Variants in RPS6KA2 observed in about 807,000 individuals in gnomAD.
RPS6KA2 encodes ribosomal protein S6 kinase A2.
RPS6KA2 carries 42 observed loss-of-function variants against 91.8 expected under a neutral mutation model. The ratio of observed to expected loss-of-function variants is 0.46; its 90% CI spans 0.36 to 0.59. RPS6KA2 has a LOEUF of 0.59. Among genes scored for constraint, RPS6KA2 ranks in the 20% least tolerant of loss-of-function variants. The pLI is 0.00. For missense variants in RPS6KA2, 798 were observed against 978.5 expected, an observed-to-expected ratio of 0.82 and a Z score of 2.46; for synonymous variants, 414 against 393.6, an observed-to-expected ratio of 1.05 and a Z score of -0.61.
At chr6:166,672,043 C>T (rs907624382) in intron 2 of RPS6KA2, among the ~76,000 whole-genome samples, 4 of 152,190 alleles carry the variant, frequency 2.6e-5, no homozygotes, top group African/African-American at 9.7e-5. Context: ...AGTGCACGAC[C>T]TCAGCATTTC....
chr6:166,774,821 A>G (rs889091422), intron 2 of RPS6KA2, among the ~76,000 whole-genome samples: 2 of 150,350 alleles, frequency 1.3e-5, no homozygotes, highest in African/African-American at 5.0e-5. Flanking sequence ...ACCCCAAAAC[A>G]TCTCGCCCTT....
rs80214747 is a variant in RPS6KA2 at position 166,615,130 on chromosome 6, C to A, written c.99+11791G>T. 6.5e-3 allele frequency among the ~76,000 whole-genome samples: 991 copies of A among 152,278 alleles called. 9 individuals are homozygous for A. The highest frequency in any genetic ancestry group is 0.023 in the African/African-American group (944 of 41,554). On this transcript the variant is annotated intron_variant, in intron 1 of 20. Transcript: ENST00000265678. Reference sequence around the variant, plus strand: ...TTATTTCCTGCCATTGAAATCCCAGCAGGATGTGGCCGCATTGTTCATTAG... The same window carrying A: ...TTATTTCCTGCCATTGAAATCCCAGAAGGATGTGGCCGCATTGTTCATTAG...
At chr6:166,471,557 G>C (rs1266967282) in intron 10 of RPS6KA2, among the ~76,000 whole-genome samples, 1 of 152,250 alleles carries the variant, frequency 6.6e-6, no homozygotes, top group Non-Finnish European at 1.5e-5. Context: ...AGTCCATCTA[G>C]AAGGAATTAG....
At chr6:166,488,740 C>G (rs1781494013) in intron 10 of RPS6KA2, 93 bp downstream of exon 10, 1 of 937,664 alleles carries the variant, frequency 1.1e-6, no homozygotes, top group African/African-American at 1.6e-5. Context: ...TGGCATTGGG[C>G]CGGAGCAGGA....
chr6:166,838,073 A>G (rs940809603), intron 2 of RPS6KA2, among the ~76,000 whole-genome samples: 1 of 152,264 alleles, frequency 6.6e-6, no homozygotes, highest in Non-Finnish European at 1.5e-5. Flanking sequence ...TCACAAAGTC[A>G]AAGCCCTTAC....
At chr6:166,576,819 T>G in intron 1 of RPS6KA2, among the ~76,000 whole-genome samples, 1 of 152,182 alleles carries the variant, frequency 6.6e-6, no homozygotes, top group East Asian at 1.9e-4. Flanking sequence ...AAGTTGAATG[T>G]TAATCCCCGA....
chr6:166,655,632 A>C (rs531915466), intron 2 of RPS6KA2, among the ~76,000 whole-genome samples: 1 of 152,362 alleles, frequency 6.6e-6, no homozygotes, highest in East Asian at 1.9e-4. Context: ...CCAAATAAAA[A>C]ATTAAAACTC....
chr6:166,610,057 T>C (rs1364718206), intron 1 of RPS6KA2, among the ~76,000 whole-genome samples: 1 of 152,230 alleles, frequency 6.6e-6, no homozygotes, highest in Non-Finnish European at 1.5e-5. Flanking sequence ...TTATATCTCT[T>C]GCTATTTAGT....
chr6:166,650,599 T>C (rs1787826399), intron 2 of RPS6KA2, among the ~76,000 whole-genome samples: 1 of 152,254 alleles, frequency 6.6e-6, no homozygotes, highest in Admixed American at 6.5e-5. Flanking sequence ...GCCTGTGTCC[T>C]GCCTTCACTA....
intron 2 of RPS6KA2, among the ~76,000 whole-genome samples, chr6:166,771,817 A>G (rs1778479484): frequency 6.6e-6 from 1 of 152,168 alleles, no homozygotes; most frequent in African/African-American, 2.4e-5. Context: ...GCTGCCTCAC[A>G]TGGCCCTCGG....
At chr6:166,454,934 ATATAATATGTAAATT>A (rs1465746127) in intron 12 of RPS6KA2, among the ~76,000 whole-genome samples, 1 of 150,472 alleles carries the variant, frequency 6.6e-6, no homozygotes, top group African/African-American at 2.4e-5. Flanking sequence ...ATAATACATT[ATATAATATGTAAATT>A]TATAATATAT....
At chr6:166,714,104 T>C (rs937317563) in intron 2 of RPS6KA2, among the ~76,000 whole-genome samples, 4 of 152,214 alleles carry the variant, frequency 2.6e-5, no homozygotes, top group Non-Finnish European at 5.9e-5. Context: ...TGATGAATTA[T>C]TCCTTCCTGT....
At chr6:166,807,670 C>T (rs1285981893) in intron 2 of RPS6KA2, among the ~76,000 whole-genome samples, 1 of 152,086 alleles carries the variant, frequency 6.6e-6, no homozygotes, top group South Asian at 2.1e-4. Context: ...CCCCAACTTG[C>T]TCTGCAGGTC....
intron 3 of RPS6KA2, among the ~76,000 whole-genome samples, chr6:166,518,071 A>C (rs2157487): frequency 0.38 from 57,802 of 151,552 alleles, 11,234 homozygotes; most frequent in East Asian, 0.52. Context: ...TAGGGTCTCC[A>C]CCACTGAGCT....
In RPS6KA2 at chr6:166,413,790, G is replaced by A; in HGVS notation, c.2076+4C>T. 2 of 1,613,942 alleles carry A rather than the reference G, an allele frequency of 1.2e-6. No homozygotes were observed. The highest frequency in any genetic ancestry group is 1.7e-6 in the Non-Finnish European group (2 of 1,179,902). On this transcript the variant is annotated splice_donor_region_variant and intron_variant, in intron 20 of 20. Transcript: ENST00000265678. ...ACTCTGTCCTCACTGTCGCCTGCCG[G>A]TACCTTCACCAGGTGCACGTCCTGT...
In RPS6KA2 at chr6:166,418,438, T is replaced by G. The variant is rs762561016; in HGVS notation, c.1821-96A>C. The G allele has an allele frequency of 9.9e-6, 9 of 908,880 alleles. No homozygotes were observed. Among genetic ancestry groups the G allele is most frequent in the Non-Finnish European group, 1.4e-5 (8 of 555,122 alleles). 56.3% of individuals were successfully genotyped at this position (908,880 alleles called of 1,614,324 possible). A position where few individuals can be genotyped will look rare whatever the true frequency, so the allele number is the denominator to read the frequency against. On this transcript the variant is annotated intron_variant, in intron 18 of 20. Coordinates refer to ENST00000265678, the MANE Select transcript of RPS6KA2 (RefSeq NM_021135.6). The surrounding 1 kb of genome is among the most constrained non-coding windows in gnomAD (Gnocchi z 4.9). ...ATCACCCCTTGGCTGTTCAAAGGAATAGCACTTTGCTTCTCCCTCCTCTGC... is the reference window on the plus strand; with the variant it reads ...ATCACCCCTTGGCTGTTCAAAGGAAGAGCACTTTGCTTCTCCCTCCTCTGC...
chr6:166,734,715 C>T (rs545967124), intron 2 of RPS6KA2, among the ~76,000 whole-genome samples: 5 of 152,248 alleles, frequency 3.3e-5, no homozygotes, highest in African/African-American at 9.6e-5. Context: ...TGAGAGGGAG[C>T]GTGTGTGGCT....
chr6:166,444,167 A>T (rs1457279342), intron 14 of RPS6KA2, among the ~76,000 whole-genome samples: 1 of 152,246 alleles, frequency 6.6e-6, no homozygotes, highest in Non-Finnish European at 1.5e-5. Context: ...AAGTGAATAC[A>T]GCATCTTTGA....
At chr6:166,467,098 TCTAA>T (rs1300584161) in intron 11 of RPS6KA2, among the ~76,000 whole-genome samples, 9 of 143,262 alleles carry the variant, frequency 6.3e-5, no homozygotes, top group Admixed American at 1.4e-4. Context: ...TCATTCACTC[TCTAA>T]CTCACTCCCT....
Sources: allele counts gnomAD v4.1 joint callset (sites outside exome capture counted in the v4.1 genomes callset), GRCh38; gene constraint gnomAD v4.1.1; non-coding constraint Gnocchi (gnomAD v3.1); transcripts MANE v1.5; gene names NCBI Gene and HGNC (gene_info 2026-07-23, HGNC 2026-07-21).